The following SNTG1 variants were observed in gnomAD, a reference collection of about 807,000 sequenced individuals.
SNTG1 encodes syntrophin gamma 1, also known as gamma-1-syntrophin.
A neutral mutation model predicts 74.7 loss-of-function variants in SNTG1; 39 were observed. The observed-to-expected ratio is 0.52, with a 90% CI of 0.40 to 0.68. The LOEUF (loss-of-function observed/expected upper bound fraction) is 0.68, where lower values mean the gene tolerates loss of function less well. SNTG1 is among the 30% of genes least tolerant of loss of function. SNTG1 has a pLI of 0.00. For synonymous variants in SNTG1, 254 were observed against 217.1 expected, an observed-to-expected ratio of 1.17 and a Z score of -1.49; for missense variants, 685 against 609.5, an observed-to-expected ratio of 1.12 and a Z score of -1.30.
At chr8:50,428,335 G>T (rs537107315) in intron 4 of SNTG1, among the ~76,000 whole-genome samples, 1 of 151,996 alleles carries the variant, frequency 6.6e-6, no homozygotes, top group East Asian at 1.9e-4. Flanking sequence ...AACAATAAAA[G>T]AATAGAACAG....
chr8:50,720,418 T>C (rs139116535), intron 17 of SNTG1, among the ~76,000 whole-genome samples: 21 of 152,314 alleles, frequency 1.4e-4, no homozygotes, highest in African/African-American at 4.6e-4. Context: ...GACATTCTTA[T>C]TATGCATCAA....
rs1273303522 is a variant in SNTG1, at chr8:50,037,381, G to A, written c.-103+125150G>A. ...GGCCTGAGATTCTGCATTCTAACCAGCTCTGTGAGATGGCCAATGATGCCA... is the reference window on the plus strand; with the variant it reads ...GGCCTGAGATTCTGCATTCTAACCAACTCTGTGAGATGGCCAATGATGCCA... On this transcript the variant is annotated intron_variant, in intron 1 of 18. Coordinates refer to ENST00000642720, the MANE Select transcript of SNTG1 (RefSeq NM_018967.5). Among the ~76,000 whole-genome samples, 3 of 152,136 alleles carry A rather than the reference G, an allele frequency of 2.0e-5. No homozygotes were observed. The East Asian group carries it at 5.8e-4, about 29-fold the overall frequency.
At chr8:50,363,961 C>T (rs1465248105) in intron 2 of SNTG1, among the ~76,000 whole-genome samples, 3 of 152,140 alleles carry the variant, frequency 2.0e-5, no homozygotes, top group African/African-American at 7.2e-5. Flanking sequence ...ATACACGCCT[C>T]AGGCATGGAG....
At chr8:50,548,880 G>A (rs996521) in intron 11 of SNTG1, among the ~76,000 whole-genome samples, 3 of 152,004 alleles carry the variant, frequency 2.0e-5, no homozygotes, top group Non-Finnish European at 1.5e-5. Context: ...AAGTCCAGTC[G>A]ATAGTCTTCA....
At chr8:50,009,345 C>T (rs1815549202) in intron 1 of SNTG1, among the ~76,000 whole-genome samples, 2 of 152,206 alleles carry the variant, frequency 1.3e-5, no homozygotes, top group South Asian at 4.1e-4. Context: ...TATATAAGTA[C>T]TACTCTTACG....
chr8:50,289,534 C>T (rs16914638), intron 2 of SNTG1, among the ~76,000 whole-genome samples: 10,525 of 152,178 alleles, frequency 0.069, 409 homozygotes, highest in African/African-American at 0.085. Flanking sequence ...ATCACTAACA[C>T]CATTGAAGTT....
chr8:50,704,577 G>C lies in SNTG1; in HGVS notation c.1039-23G>C, dbSNP rs568922212. 189 of 1,614,000 alleles carry C rather than the reference G, an allele frequency of 1.2e-4. 4 individuals carry two copies. In the South Asian group the frequency reaches 2.0e-3, roughly 17 times the overall value. ...AATGTGAAGTGATGTGTGCCAGCCT[G>C]TGTAACTCCAGGTTTTCACCAGGAC... is the stretch of plus-strand genomic sequence containing the variant. On this transcript the variant is annotated intron_variant, in intron 15 of 18. Coordinates refer to ENST00000642720, the MANE Select transcript of SNTG1 (RefSeq NM_018967.5).
chr8:50,238,457 G>T (rs1198015681), intron 2 of SNTG1, among the ~76,000 whole-genome samples: 2 of 152,046 alleles, frequency 1.3e-5, no homozygotes, highest in East Asian at 3.9e-4. Context: ...GATTAAAACT[G>T]GACCCCTTCC....
intron 13 of SNTG1, among the ~76,000 whole-genome samples, chr8:50,636,769 T>C (rs1048325552): frequency 5.3e-5 from 8 of 152,154 alleles, no homozygotes; most frequent in East Asian, 1.9e-4. Flanking sequence ...CTTATGAAGG[T>C]CCTTTTTTAA....
chr8:50,072,266 A>G (rs1821435821), intron 1 of SNTG1, among the ~76,000 whole-genome samples: 1 of 152,246 alleles, frequency 6.6e-6, no homozygotes, highest in South Asian at 2.1e-4. Context: ...GTTGTTTATT[A>G]TTAAATGAGA....
intron 2 of SNTG1, among the ~76,000 whole-genome samples, chr8:50,203,986 C>T (rs957318692): frequency 6.6e-6 from 1 of 151,994 alleles, no homozygotes; most frequent in African/African-American, 2.4e-5. Flanking sequence ...CTTTTGTGAC[C>T]TGTCAGTTTT....
At chr8:50,550,423 GATAT>G (rs1309125102) in intron 11 of SNTG1, among the ~76,000 whole-genome samples, 1 of 152,046 alleles carries the variant, frequency 6.6e-6, no homozygotes, top group Non-Finnish European at 1.5e-5. Flanking sequence ...AATTAGAAAT[GATAT>G]ATATTTATTT....
chr8:50,450,440 C>A (rs1174191804), intron 6 of SNTG1, 116 bp from the exon 7 acceptor site: 2 of 1,044,158 alleles, frequency 1.9e-6, no homozygotes, highest in African/African-American at 1.6e-5. Flanking sequence ...AGATGCTAAC[C>A]ATATAAGACA....
chr8:50,394,154 T>G lies in SNTG1; in HGVS notation c.-27-58T>G, dbSNP rs115842592. The G allele has an allele frequency of 3.4e-4, 457 of 1,360,740 alleles. 2 individuals are homozygous for G. The African/African-American group carries it at 6.1e-3, about 18-fold the overall frequency. 84.3% of individuals were successfully genotyped at this position (1,360,740 alleles called of 1,614,324 possible). On this transcript the variant is annotated intron_variant, in intron 2 of 18. Transcript: ENST00000642720. ...TTCACGATTTCCTCCACTATATTAGTGTTCTCTCTTACATGCCATGCTGTG... is the reference window on the plus strand; with the variant it reads ...TTCACGATTTCCTCCACTATATTAGGGTTCTCTCTTACATGCCATGCTGTG...
Position 50,506,119 on chromosome 8 carries a change from A to C in SNTG1, c.466+3239A>C, listed in dbSNP as rs559715297. 1.7e-3 allele frequency among the ~76,000 whole-genome samples: 255 copies of C among 152,160 alleles called. 2 individuals carry two copies. Among genetic ancestry groups the C allele is most frequent in the African/African-American group, 5.2e-3 (217 of 41,554 alleles). On this transcript the variant is annotated intron_variant, in intron 9 of 18. Coordinates refer to ENST00000642720, the MANE Select transcript of SNTG1 (RefSeq NM_018967.5). ...TTGAAGAGAAGACTATTCTTTCCCT[A>C]TTGTATAACCTTAACATGTTTGTTT...
At chr8:50,667,528 C>T (rs912053467) in intron 15 of SNTG1, among the ~76,000 whole-genome samples, 1 of 152,006 alleles carries the variant, frequency 6.6e-6, no homozygotes, top group Non-Finnish European at 1.5e-5. Flanking sequence ...CATAGTAACT[C>T]AGGTCTTTTT....
chr8:50,127,872 CTG>C (rs771370538), intron 1 of SNTG1, among the ~76,000 whole-genome samples: 2 of 152,246 alleles, frequency 1.3e-5, no homozygotes, highest in South Asian at 2.1e-4. Flanking sequence ...GTTTTTCTGA[CTG>C]TGTCTGCCTC....
At chr8:50,609,273 G>A (rs762629544) in intron 13 of SNTG1, among the ~76,000 whole-genome samples, 11 of 151,968 alleles carry the variant, frequency 7.2e-5, no homozygotes, top group Non-Finnish European at 1.5e-4. Flanking sequence ...ATCTGGTAAA[G>A]TATTTTGTTG....
At chr8:50,556,656 C>T (rs1404373385) in intron 12 of SNTG1, among the ~76,000 whole-genome samples, 1 of 151,920 alleles carries the variant, frequency 6.6e-6, no homozygotes, top group Non-Finnish European at 1.5e-5. Context: ...TTTTGGGAAC[C>T]TTGGAAATAA....
Sources: allele counts gnomAD v4.1 joint callset (sites outside exome capture counted in the v4.1 genomes callset), GRCh38; gene constraint gnomAD v4.1.1; transcripts MANE v1.5; gene names NCBI Gene and HGNC (gene_info 2026-07-23, HGNC 2026-07-21).